The following CHCHD3 variants were observed in gnomAD, a reference collection of about 807,000 sequenced individuals.
CHCHD3 encodes the protein coiled-coil-helix-coiled-coil-helix domain containing 3, also known as MICOS complex subunit MIC19.
In CHCHD3, 20 loss-of-function variants were observed where a neutral mutation model predicts 38.2. The observed-to-expected ratio is 0.52, with a 90% CI of 0.37 to 0.76. The LOEUF (loss-of-function observed/expected upper bound fraction) is 0.76. CHCHD3 is among the 30% of genes least tolerant of loss of function. CHCHD3 has a pLI of 0.00. For synonymous variants in CHCHD3, 82 were observed against 100.0 expected, an observed-to-expected ratio of 0.82 and a Z score of 1.07; for missense variants, 245 against 279.2, an observed-to-expected ratio of 0.88 and a Z score of 0.87.
At chr7:132,902,437 G>A (rs1239901613) in intron 4 of CHCHD3, among the ~76,000 whole-genome samples, 1 of 152,180 alleles carries the variant, frequency 6.6e-6, no homozygotes, top group Admixed American at 6.5e-5. Context: ...ATCAATGATA[G>A]ACTGGATTAA....
rs1188284594 is a variant in CHCHD3 at position 133,035,843 on chromosome 7, C to A, written c.170-11216G>T. ...GTGCGGAGAGCACGCGGATCTGAGC[C>A]CCGCTGTACTGAGCAGCGATGAGAG... On this transcript the variant is annotated intron_variant, in intron 2 of 7. Coordinates refer to ENST00000262570, the MANE Select transcript of CHCHD3 (RefSeq NM_017812.4). The surrounding 1 kb of genome is among the most constrained non-coding windows in gnomAD (Gnocchi z 4.7). 1 of 1,613,040 alleles carries A rather than the reference C, an allele frequency of 6.2e-7. No homozygotes were observed. Among genetic ancestry groups the A allele is most frequent in the Non-Finnish European group, 8.5e-7 (1 of 1,179,176 alleles).
chr7:132,821,954 G>A (rs931885439), intron 6 of CHCHD3, among the ~76,000 whole-genome samples: 21 of 151,874 alleles, frequency 1.4e-4, no homozygotes, highest in Middle Eastern at 3.2e-3. Context: ...AGTAGAGACG[G>A]GGTTTCACCT....
At chr7:132,909,599 C>A (rs1809890998) in intron 4 of CHCHD3, among the ~76,000 whole-genome samples, 1 of 152,150 alleles carries the variant, frequency 6.6e-6, no homozygotes, top group Non-Finnish European at 1.5e-5. Context: ...CAGAGGAATG[C>A]TAAAATAAAC....
chr7:132,972,639 T>A (rs1411350674), intron 4 of CHCHD3: 30 of 985,400 alleles, frequency 3.0e-5, no homozygotes, highest in Non-Finnish European at 3.6e-5. Flanking sequence ...CATGTTGCTG[T>A]GGCCATGGCA....
intron 4 of CHCHD3, among the ~76,000 whole-genome samples, chr7:132,935,980 T>C (rs1027228363): frequency 3.9e-5 from 6 of 152,092 alleles, no homozygotes; most frequent in African/African-American, 9.7e-5. Flanking sequence ...CAGGAGACCA[T>C]TGCCTGGACA....
intron 2 of CHCHD3, among the ~76,000 whole-genome samples, chr7:133,046,572 G>GA (rs924405445): frequency 3.3e-3 from 179 of 53,752 alleles, no homozygotes; most frequent in African/African-American, 0.014. Context: ...TATTTTTTTG[G>GA]GGGGGGGAGA....
chr7:132,894,578 C>T (rs528938464), intron 4 of CHCHD3, among the ~76,000 whole-genome samples: 1 of 152,300 alleles, frequency 6.6e-6, no homozygotes, highest in African/African-American at 2.4e-5. Flanking sequence ...CTACTCCTCT[C>T]CTTAACTGTA....
intron 3 of CHCHD3, among the ~76,000 whole-genome samples, chr7:133,016,072 C>T (rs1813022390): frequency 6.6e-6 from 1 of 152,192 alleles, no homozygotes; most frequent in African/African-American, 2.4e-5. Context: ...TCACCTCCTA[C>T]AGGCCCCACT....
At chr7:132,816,518 T>C (rs769678714) in intron 6 of CHCHD3, among the ~76,000 whole-genome samples, 36 of 152,322 alleles carry the variant, frequency 2.4e-4, no homozygotes, top group Non-Finnish European at 3.5e-4. Flanking sequence ...GCTTCATAGT[T>C]AATTGCACGA....
chr7:132,897,360 C>T (rs1809526096), intron 4 of CHCHD3, among the ~76,000 whole-genome samples: 1 of 151,192 alleles, frequency 6.6e-6, no homozygotes, highest in South Asian at 2.1e-4. Context: ...TTTGTACTAA[C>T]TTGTATTTGT....
chr7:132,810,703 A>G (rs1447965933), intron 6 of CHCHD3, among the ~76,000 whole-genome samples: 4 of 152,188 alleles, frequency 2.6e-5, no homozygotes, highest in African/African-American at 9.7e-5. Context: ...GCATTTCTCA[A>G]TTCATGTCTG....
intron 2 of CHCHD3, among the ~76,000 whole-genome samples, chr7:133,028,886 C>CAA (rs529303007): frequency 6.4e-5 from 6 of 94,014 alleles, no homozygotes; most frequent in Admixed American, 1.2e-4. Context: ...CTCCATCTCA[C>CAA]AAAAAAAAAA....
intron 6 of CHCHD3, among the ~76,000 whole-genome samples, chr7:132,806,056 CA>C (rs1178131597): frequency 1.3e-5 from 2 of 152,082 alleles, no homozygotes; most frequent in African/African-American, 2.4e-5. Context: ...GAAAGGACAG[CA>C]GAAGCTTGGG....
chr7:133,029,048 G>A (rs1381526562), intron 2 of CHCHD3, among the ~76,000 whole-genome samples: 2 of 152,064 alleles, frequency 1.3e-5, no homozygotes, highest in African/African-American at 2.4e-5. Flanking sequence ...GGACTTCAAA[G>A]CCTCCATAAC....
chr7:133,074,708 A>G (rs1391107243), intron 1 of CHCHD3, among the ~76,000 whole-genome samples: 2 of 152,216 alleles, frequency 1.3e-5, no homozygotes, highest in Non-Finnish European at 2.9e-5. Context: ...ACATTTTTAG[A>G]ATCTTAAAGC....
Position 133,082,064 on chromosome 7 carries a change from C to A in CHCHD3, c.-127G>T. The A allele has an allele frequency of 4.7e-6, 4 of 856,304 alleles. No individual in the cohort carries two copies. The highest frequency in any genetic ancestry group is 7.0e-6 in the Non-Finnish European group (4 of 574,316). The allele number at this position is 856,304 out of a possible 1,614,324, so 53.0% of individuals were successfully genotyped here. ...ACAGCGGGAGCAAGGCCACGACCCC[C>A]AGAAGCAAGGAGAAGGCGCCGGTCC... On this transcript the variant is annotated 5_prime_UTR_variant, in exon 1 of 8. Coordinates refer to ENST00000262570, the MANE Select transcript of CHCHD3 (RefSeq NM_017812.4).
intron 4 of CHCHD3, among the ~76,000 whole-genome samples, chr7:132,926,709 T>C (rs901281191): frequency 3.9e-5 from 6 of 152,214 alleles, no homozygotes; most frequent in Non-Finnish European, 8.8e-5. Context: ...CATATTTGTA[T>C]ATAACCTAGG....
intron 3 of CHCHD3, among the ~76,000 whole-genome samples, chr7:132,987,209 T>A (rs576024966): frequency 6.6e-6 from 1 of 152,264 alleles, no homozygotes; most frequent in South Asian, 2.1e-4. Flanking sequence ...GACATGATAA[T>A]CTATGAAAAG....
intron 4 of CHCHD3, among the ~76,000 whole-genome samples, chr7:132,933,820 A>C (rs1197337887): frequency 6.6e-6 from 1 of 152,228 alleles, no homozygotes; most frequent in Admixed American, 6.5e-5. Flanking sequence ...AGAAGAGACA[A>C]TGTGCCAGGT....
Sources: allele counts gnomAD v4.1 joint callset (sites outside exome capture counted in the v4.1 genomes callset), GRCh38; gene constraint gnomAD v4.1.1; non-coding constraint Gnocchi (gnomAD v3.1); transcripts MANE v1.5; gene names NCBI Gene and HGNC (gene_info 2026-07-23, HGNC 2026-07-21).